Variants in ZNF772 observed in about 807,000 individuals in gnomAD.
ZNF772 encodes the protein zinc finger protein 772.
ZNF772 carries 8 observed loss-of-function variants against 11.0 expected under a neutral mutation model. The ratio of observed to expected loss-of-function variants is 0.73; its 90% confidence interval spans 0.43 to 1.31. The LOEUF (loss-of-function observed/expected upper bound fraction) is 1.31. Among genes scored for constraint, ZNF772 ranks in the 50% most tolerant of loss-of-function variants. The probability of loss-of-function intolerance (pLI) is 0.01; values close to 1 mark genes in which losing one functional copy is unlikely to be tolerated. For synonymous variants in ZNF772, 155 were observed against 180.4 expected (o/e 0.86, Z 1.13); for missense variants, 496 against 552.3 (o/e 0.90, Z 1.02).
rs1343983812 is a variant in ZNF772, at chr19:57,473,197, C to T, written c.*77G>A. 2.8e-6 allele frequency: 4 copies of T among 1,424,816 alleles called. No homozygotes were observed. The highest frequency in any genetic ancestry group is 2.9e-5 in the African/African-American group (2 of 69,836). The allele number at this position is 1,424,816 out of a possible 1,614,324, so 88.3% of individuals were successfully genotyped here. A position where few individuals can be genotyped will look rare whatever the true frequency, so the allele number is the denominator to read the frequency against. Reference sequence around the variant, plus strand: ...AAGTTCTACTTCTGGCTGTCGGCTACACATAAAGGCTATGCTTGGAGCTTC... The same window carrying T: ...AAGTTCTACTTCTGGCTGTCGGCTATACATAAAGGCTATGCTTGGAGCTTC... On this transcript the variant is annotated 3_prime_UTR_variant, in exon 4 of 4. Transcript: ENST00000356584.
At chr19:57,474,569 T>A in intron 3 of ZNF772, 148 bp from the exon 4 acceptor site, 1 of 751,128 alleles carries the variant, frequency 1.3e-6, no homozygotes, top group Non-Finnish European at 2.1e-6. Context: ...AGCAAATGTG[T>A]ACTATACGGT....
Position 57,472,608 on chromosome 19 carries a change from A to C in ZNF772, c.*666T>G, listed in dbSNP as rs1340662022. 2 of 158,990 alleles carry C rather than the reference A, an allele frequency of 1.3e-5. No individual in the cohort carries two copies. 9.8% of individuals were successfully genotyped at this position (158,990 alleles called of 1,614,324 possible). On this transcript the variant is annotated 3_prime_UTR_variant, in exon 4 of 4. Coordinates refer to ENST00000356584, the MANE Select transcript of ZNF772 (RefSeq NM_001144068.2). ...ATACAGATAGTTGGAGCTCTCACAA[A>C]AGCTGTTCTTCCCTTCATACTGGCT...
At position 57,472,397 on chromosome 19, in the gene ZNF772, G is replaced by C; in HGVS notation, c.*877C>G. 3.2e-6 allele frequency: 1 copy of C among 314,334 alleles called. No homozygotes were observed. Among genetic ancestry groups the C allele is most frequent in the South Asian group, 2.6e-5 (1 of 38,254 alleles). The allele number at this position is 314,334 out of a possible 1,614,324, so 19.5% of individuals were successfully genotyped here. A position where few individuals can be genotyped will look rare whatever the true frequency, so the allele number is the denominator to read the frequency against. ...ATTCATGTTGCTCCCAGACACATTA[G>C]AGATTATCACAACAAATGCCCACTG... is the stretch of plus-strand genomic sequence containing the variant. On this transcript the variant is annotated 3_prime_UTR_variant, in exon 4 of 4. Transcript: ENST00000356584.
At chr19:57,476,696 C>A (rs778215212) in intron 1 of ZNF772, 24 bp from the exon 2 acceptor site, 1 of 1,566,520 alleles carries the variant, frequency 6.4e-7, no homozygotes, top group Non-Finnish European at 8.7e-7. Flanking sequence ...GGAGACTATG[C>A]GAGTCAAGCA....
rs1321551533 is a variant in ZNF772 at position 57,469,931 on chromosome 19, C to T, written c.*3343G>A. The T allele has an allele frequency of 2.0e-5, 3 of 152,180 alleles. No individual in the cohort carries two copies. In the East Asian group the frequency reaches 5.8e-4, roughly 29 times the overall value. 9.4% of individuals were successfully genotyped at this position (152,180 alleles called of 1,614,324 possible). A position where few individuals can be genotyped will look rare whatever the true frequency, so the allele number is the denominator to read the frequency against. Reference sequence around the variant, plus strand: ...TGTAAATAATTCAAGTCTTAATGTACTCTGACCACAATGGAATTATTGCAG... The same window carrying T: ...TGTAAATAATTCAAGTCTTAATGTATTCTGACCACAATGGAATTATTGCAG... On this transcript the variant is annotated 3_prime_UTR_variant, in exon 4 of 4. Transcript: ENST00000356584.
chr19:57,470,496 T>A lies in ZNF772; in HGVS notation c.*2778A>T, dbSNP rs1263355713. On this transcript the variant is annotated 3_prime_UTR_variant, in exon 4 of 4. Coordinates refer to ENST00000356584, the MANE Select transcript of ZNF772 (RefSeq NM_001144068.2). The stretch of plus-strand genomic sequence containing the variant: ...AAGGTTTGAAATGAAGGACCTCAGC[T>A]TCCATGTTAAAAAGTAGCAAAAGAA... 1 of 152,148 alleles carries A rather than the reference T, an allele frequency of 6.6e-6. No homozygotes were observed. The highest frequency in any genetic ancestry group is 1.5e-5 in the Non-Finnish European group (1 of 68,028). 9.4% of individuals were successfully genotyped at this position (152,148 alleles called of 1,614,324 possible). A position where few individuals can be genotyped will look rare whatever the true frequency, so the allele number is the denominator to read the frequency against.
chr19:57,477,218 C>A, intron 1 of ZNF772, 59 bp downstream of exon 1: 2 of 1,609,972 alleles, frequency 1.2e-6, no homozygotes, highest in South Asian at 2.2e-5. Context: ...ATCGTTCATT[C>A]GAAGCTTTGG....
rs1225848603 is a variant in ZNF772 at position 57,473,665 on chromosome 19, CTA to C, written c.954_955del (p.Tyr318Ter). 2 of 1,613,702 alleles carry C rather than the reference CTA, an allele frequency of 1.2e-6. No individual in the cohort carries two copies. The highest frequency in any genetic ancestry group is 4.5e-5 in the East Asian group (2 of 44,846). ...ATGCTGAACAAGTGTAGATTTGTGA[CTA>C]TAGGCTTTCCCACATTCACTGCACT... On this transcript the variant is annotated stop_gained and frameshift_variant, in exon 4 of 4. Transcript: ENST00000356584. LOFTEE classifies it low-confidence loss of function (END_TRUNC).
At chr19:57,474,543 G>T in intron 3 of ZNF772, 122 bp from the exon 4 acceptor site, 2 of 1,026,842 alleles carry the variant, frequency 1.9e-6, no homozygotes, top group Non-Finnish European at 2.8e-6. Context: ...TAGGACAAGG[G>T]TCCAAACTCA....
rs761145332 is a variant in ZNF772, at chr19:57,473,147, C to G, written c.*127G>C. ...TATAGCTGGCACTCGGAAGAACCTC[C>G]CCAGGGTGAGTGTTTGAGTGTATAA... On this transcript the variant is annotated 3_prime_UTR_variant, in exon 4 of 4. Transcript: ENST00000356584. 115 of 936,474 alleles carry G rather than the reference C, an allele frequency of 1.2e-4. No individual in the cohort carries two copies. The highest frequency in any genetic ancestry group is 1.7e-4 in the Non-Finnish European group (111 of 641,926). The allele number at this position is 936,474 out of a possible 1,614,324, so 58.0% of individuals were successfully genotyped here.
In ZNF772 at chr19:57,476,466, C is replaced by A. The variant is rs573934003; in HGVS notation, c.72+168G>T. 4 of 746,954 alleles carry A rather than the reference C, an allele frequency of 5.4e-6. No homozygotes were observed. In the East Asian group the frequency reaches 8.2e-5, roughly 15 times the overall value. 46.3% of individuals were successfully genotyped at this position (746,954 alleles called of 1,614,324 possible). On this transcript the variant is annotated intron_variant, in intron 2 of 3. Transcript: ENST00000356584. ...TGGTTGGCAGAAATGGAAACCCCTCCATAAAACCCCTGGCCCGGAGTCAGG... is the reference window on the plus strand; with the variant it reads ...TGGTTGGCAGAAATGGAAACCCCTCAATAAAACCCCTGGCCCGGAGTCAGG...
rs2123157768 is a variant in ZNF772 at position 57,475,900 on chromosome 19, A to G, written c.73-114T>C. On this transcript the variant is annotated intron_variant, in intron 2 of 3. Coordinates refer to ENST00000356584, the MANE Select transcript of ZNF772 (RefSeq NM_001144068.2). This position sits in a 1 kb window ranked among gnomAD's most constrained non-coding sequence, Gnocchi z 4.2. ...CTCCTACCTAACTCCTCAACTCAGG[A>G]AATATCAGGACCAGATGTCATTGGT... 1 of 1,413,138 alleles carries G rather than the reference A, an allele frequency of 7.1e-7. No homozygotes were observed. The highest frequency in any genetic ancestry group is 2.4e-5 in the East Asian group (1 of 42,528). 87.5% of individuals were successfully genotyped at this position (1,413,138 alleles called of 1,614,324 possible). A position where few individuals can be genotyped will look rare whatever the true frequency, so the allele number is the denominator to read the frequency against.
rs2089224980 is a variant in ZNF772 at position 57,472,370 on chromosome 19, T to C, written c.*904A>G. Reference sequence around the variant, plus strand: ...AAGTATCTTCTGGGAACAAGGGACGTAATTCATGTTGCTCCCAGACACATT... The same window carrying C: ...AAGTATCTTCTGGGAACAAGGGACGCAATTCATGTTGCTCCCAGACACATT... On this transcript the variant is annotated 3_prime_UTR_variant, in exon 4 of 4. Transcript: ENST00000356584. The C allele has an allele frequency of 2.9e-6, 1 of 345,794 alleles. No individual in the cohort carries two copies. Among genetic ancestry groups the C allele is most frequent in the Non-Finnish European group, 5.7e-6 (1 of 175,774 alleles). The allele number at this position is 345,794 out of a possible 1,614,324, so 21.4% of individuals were successfully genotyped here.
rs2089218448 is a variant in ZNF772 at position 57,471,848 on chromosome 19, T to G, written c.*1426A>C. 1 of 225,414 alleles carries G rather than the reference T, an allele frequency of 4.4e-6. No individual in the cohort carries two copies. The highest frequency in any genetic ancestry group is 9.0e-6 in the Non-Finnish European group (1 of 111,712). 14.0% of individuals were successfully genotyped at this position (225,414 alleles called of 1,614,324 possible). The stretch of plus-strand genomic sequence containing the variant: ...CATTAGAATACATATTAAATTACTC[T>G]ATCTCTGTAGAATTCTAGGAAATAC... On this transcript the variant is annotated 3_prime_UTR_variant, in exon 4 of 4. Coordinates refer to ENST00000356584, the MANE Select transcript of ZNF772 (RefSeq NM_001144068.2).
In ZNF772 at chr19:57,476,394, C is replaced by T. The variant is rs1459342918; in HGVS notation, c.72+240G>A. 4 of 546,052 alleles carry T rather than the reference C, an allele frequency of 7.3e-6. No homozygotes were observed. The East Asian group carries it at 1.2e-4, about 16-fold the overall frequency. 33.8% of individuals were successfully genotyped at this position (546,052 alleles called of 1,614,324 possible). A position where few individuals can be genotyped will look rare whatever the true frequency, so the allele number is the denominator to read the frequency against. ...CTCAGTCTCACCTCTAAGTATTTTG[C>T]ACAGGCTGGTTCCTGTGCCTGGAAC... On this transcript the variant is annotated intron_variant, in intron 2 of 3. Coordinates refer to ENST00000356584, the MANE Select transcript of ZNF772 (RefSeq NM_001144068.2).
chr19:57,474,309 G>T lies in ZNF772; in HGVS notation c.312C>A (p.Pro104=). The T allele has an allele frequency of 6.2e-7, 1 of 1,614,150 alleles. No homozygotes were observed. Among genetic ancestry groups the T allele is most frequent in the South Asian group, 1.1e-5 (1 of 91,088 alleles). Residue 104 remains proline, a synonymous_variant, in exon 4 of 4, where the codon CCC becomes CCA. Coordinates refer to ENST00000356584, the MANE Select transcript of ZNF772 (RefSeq NM_001144068.2). ...KGGPSTQKAY[P]CGTCGLVLKD... ...TTAAGACCAGGCCACATGTCCCACA[G>T]GGGTAAGCCTTCTGAGTAGAAGGAC...
chr19:57,476,458 A>G (rs1376896670), intron 2 of ZNF772, 176 bp downstream of exon 2: 1 of 700,066 alleles, frequency 1.4e-6, no homozygotes, highest in Non-Finnish European at 2.5e-6. Flanking sequence ...CAGAAATGGA[A>G]ACCCCTCCAT....
rs1197482758 is a variant in ZNF772 at position 57,473,995 on chromosome 19, T to C, written c.626A>G (p.His209Arg). 4 of 1,614,226 alleles carry C rather than the reference T, an allele frequency of 2.5e-6. No individual in the cohort carries two copies. The South Asian group carries it at 4.4e-5, about 18-fold the overall frequency. The change falls in exon 4 of 4, where the codon CAC becomes CGC. Residue 209 changes from histidine to arginine, a missense_variant. His to Arg is a conservative substitution (Grantham distance 29). Transcript: ENST00000356584. ...GGCCTCCTCACACTTGGTGTTGCTG[T>C]GTGGCTTCCACTCATTGTGAGGGGC... Reference protein sequence around the residue: ...HHAPHNEWKPHSNTKCEEASH... With the variant: ...HHAPHNEWKPRSNTKCEEASH...
intron 1 of ZNF772, among the ~76,000 whole-genome samples, chr19:57,477,046 C>T (rs1242557547): frequency 2.6e-5 from 4 of 152,276 alleles, no homozygotes; most frequent in African/African-American, 7.2e-5. Context: ...CACTAAAGGC[C>T]CAGTTTTCCC....
Sources: allele counts gnomAD v4.1 joint callset (sites outside exome capture counted in the v4.1 genomes callset), GRCh38; gene constraint gnomAD v4.1.1; non-coding constraint Gnocchi (gnomAD v3.1); transcripts MANE v1.5; gene names NCBI Gene and HGNC (gene_info 2026-07-23, HGNC 2026-07-21).